The following HDDC2 variants were observed in gnomAD, a reference collection of about 807,000 sequenced individuals.
HDDC2 encodes 5'-deoxynucleotidase HDDC2.
Under a neutral mutation model 25.5 loss-of-function variants are expected in HDDC2, and 25 were observed. The observed-to-expected ratio is 0.98, with a 90% confidence interval of 0.72 to 1.37. The LOEUF (loss-of-function observed/expected upper bound fraction) is 1.37. HDDC2 is among the 40% of genes most tolerant of loss of function. The pLI is 0.00. For synonymous variants in HDDC2, 106 were observed against 89.7 expected (o/e 1.18, Z -1.03); for missense variants, 264 against 253.1 (o/e 1.04, Z -0.29).
In HDDC2 at chr6:125,285,949, T is replaced by A. The variant is rs555900961; in HGVS notation, c.378+6892A>T. 2.6e-5 allele frequency among the ~76,000 whole-genome samples: 4 copies of A among 152,308 alleles called. No individual in the cohort carries two copies. In the South Asian group the frequency reaches 8.3e-4, roughly 32 times the overall value. ...CCCTCAAAGTACAGTTGGGGCTTGA[T>A]GTAGAGCAATATAAGGATCCCGGGA... On this transcript the variant is annotated intron_variant, in intron 4 of 5. Transcript: ENST00000398153.
At chr6:125,285,223 T>A (rs1428043833) in intron 4 of HDDC2, among the ~76,000 whole-genome samples, 1 of 151,890 alleles carries the variant, frequency 6.6e-6, no homozygotes, top group Non-Finnish European at 1.5e-5. Context: ...AGATGACAGG[T>A]TGATGGGTGC....
At chr6:125,286,488 T>A (rs1200653846) in intron 4 of HDDC2, among the ~76,000 whole-genome samples, 1 of 152,242 alleles carries the variant, frequency 6.6e-6, no homozygotes. Context: ...AACTTTCTAA[T>A]GCTAGCATCT....
intron 4 of HDDC2, among the ~76,000 whole-genome samples, chr6:125,281,540 G>A (rs1054395803): frequency 1.3e-5 from 2 of 152,138 alleles, no homozygotes; most frequent in Admixed American, 1.3e-4. Flanking sequence ...GAAAAACACA[G>A]CATGAGAACT....
chr6:125,294,877 T>G (rs1381940515), intron 3 of HDDC2, among the ~76,000 whole-genome samples: 1 of 152,236 alleles, frequency 6.6e-6, no homozygotes, highest in African/African-American at 2.4e-5. Context: ...TTAATAGGCT[T>G]CTTTTTGTTC....
chr6:125,294,587 A>T (rs942258854), intron 3 of HDDC2, among the ~76,000 whole-genome samples: 1 of 152,234 alleles, frequency 6.6e-6, no homozygotes, highest in African/African-American at 2.4e-5. Flanking sequence ...CAAGTTTGCC[A>T]ATTACTTCCA....
chr6:125,287,681 G>T (rs3778453), intron 4 of HDDC2, among the ~76,000 whole-genome samples: 11,213 of 152,202 alleles, frequency 0.074, 1,094 homozygotes, highest in African/African-American at 0.22. Context: ...AAGCACAGGA[G>T]GGGTGTGGAG....
At chr6:125,287,088 T>A (rs1213809578) in intron 4 of HDDC2, among the ~76,000 whole-genome samples, 1 of 152,004 alleles carries the variant, frequency 6.6e-6, no homozygotes, top group Non-Finnish European at 1.5e-5. Context: ...ACCACAAGTG[T>A]GCAACTGGGA....
In HDDC2 at chr6:125,287,368, T is replaced by C. The variant is rs1310492709; in HGVS notation, c.378+5473A>G. Among the ~76,000 whole-genome samples the C allele has an allele frequency of 2.0e-5, 3 of 152,292 alleles. 1 individual carries two copies. The highest frequency in any genetic ancestry group is 3.9e-4 in the East Asian group (2 of 5,182). On this transcript the variant is annotated intron_variant, in intron 4 of 5. Transcript: ENST00000398153. ...CGATTGGGGCAAAGAGAAGGGCTTCTGGGGTGAATGAAAAAGTTCTAAATC... is the reference window on the plus strand; with the variant it reads ...CGATTGGGGCAAAGAGAAGGGCTTCCGGGGTGAATGAAAAAGTTCTAAATC...
At chr6:125,294,325 G>A (rs1444167352) in intron 3 of HDDC2, among the ~76,000 whole-genome samples, 2 of 152,110 alleles carry the variant, frequency 1.3e-5, no homozygotes, top group Non-Finnish European at 2.9e-5. Flanking sequence ...ACCACTTCCA[G>A]AGCAAACCAC....
At chr6:125,283,274 C>G (rs1312325692) in intron 4 of HDDC2, among the ~76,000 whole-genome samples, 1 of 152,210 alleles carries the variant, frequency 6.6e-6, no homozygotes, top group East Asian at 1.9e-4. Flanking sequence ...GATGCCCTCT[C>G]TCACCACTCC....
chr6:125,280,504 G>C lies in HDDC2; in HGVS notation c.379-3264C>G, dbSNP rs1381407732. Reference sequence around the variant, plus strand: ...GATCCACTGGCTTGAAATTCTGGCAGCCAGCACAGCAGTGTGAAGTCAACC... The same window carrying C: ...GATCCACTGGCTTGAAATTCTGGCACCCAGCACAGCAGTGTGAAGTCAACC... On this transcript the variant is annotated intron_variant, in intron 4 of 5. Transcript: ENST00000398153. Among the ~76,000 whole-genome samples, 3 of 152,226 alleles carry C rather than the reference G, an allele frequency of 2.0e-5. No individual in the cohort carries two copies. The South Asian group carries it at 6.2e-4, about 32-fold the overall frequency.
intron 3 of HDDC2, among the ~76,000 whole-genome samples, chr6:125,294,062 A>T (rs11753452): frequency 2.0e-5 from 3 of 152,104 alleles, no homozygotes; most frequent in Non-Finnish European, 4.4e-5. Context: ...TTTATTTCTG[A>T]ATTACTCCAG....
rs772348549 is a variant in HDDC2 at position 125,277,126 on chromosome 6, G to A, written c.493C>T (p.Gln165Ter). 6.2e-7 allele frequency: 1 copy of A among 1,614,030 alleles called. No individual in the cohort carries two copies. Among genetic ancestry groups the A allele is most frequent in the Non-Finnish European group, 8.5e-7 (1 of 1,179,966 alleles). Residue 165 changes from glutamine to a stop codon, truncating the protein, a stop_gained, in exon 5 of 6, where the codon CAA becomes TAA. Coordinates refer to ENST00000398153, the MANE Select transcript of HDDC2 (RefSeq NM_016063.3). LOFTEE classifies it high-confidence loss of function. ...EDLEHKPGRL[Q>*]DFYDSTAGKF... The stretch of plus-strand genomic sequence containing the variant: ...CCTGCTGTGGAATCATAGAAGTCTT[G>A]CAGTCTCCCAGGTTTGTGTTCAAGG...
At chr6:125,278,040 A>T (rs1425529407) in intron 4 of HDDC2, 2 of 152,198 alleles carry the variant, frequency 1.3e-5, no homozygotes, top group Non-Finnish European at 2.9e-5. Context: ...AGTGCTCCCA[A>T]CTGGTTTCCC....
chr6:125,298,297 T>A (rs1798736287), intron 3 of HDDC2, among the ~76,000 whole-genome samples: 1 of 152,194 alleles, frequency 6.6e-6, no homozygotes, highest in Non-Finnish European at 1.5e-5. Flanking sequence ...TATTTCTTTA[T>A]AAAAGCTACA....
chr6:125,285,370 G>A (rs115241454), intron 4 of HDDC2, among the ~76,000 whole-genome samples: 50 of 152,164 alleles, frequency 3.3e-4, no homozygotes, highest in African/African-American at 1.2e-3. Context: ...ACAGTGAAAT[G>A]TAAGATAAAA....
At chr6:125,287,582 T>G (rs1798558817) in intron 4 of HDDC2, among the ~76,000 whole-genome samples, 1 of 152,188 alleles carries the variant, frequency 6.6e-6, no homozygotes, top group Non-Finnish European at 1.5e-5. Flanking sequence ...TAGGTGTAAC[T>G]GTTCAGGAGG....
intron 1 of HDDC2, among the ~76,000 whole-genome samples, chr6:125,301,482 GCACACACA>G (rs3839545): frequency 1.7e-4 from 20 of 120,420 alleles, no homozygotes; most frequent in East Asian, 4.7e-4. Context: ...GGGGTCGTGA[GCACACACA>G]CACACACACA....
chr6:125,298,795 A>G lies in HDDC2; in HGVS notation c.228T>C (p.Val76=), dbSNP rs780860955. 6 of 1,614,034 alleles carry G rather than the reference A, an allele frequency of 3.7e-6. No homozygotes were observed. The South Asian group carries it at 6.6e-5, about 18-fold the overall frequency. The change falls in exon 3 of 6, where the codon GTT becomes GTC. Residue 76 remains valine, a synonymous_variant. Transcript: ENST00000398153. ...CAACGATGCATTCTGCCATATCATG[A>G]ACCAGGGCTAGGCGTACACATCTGA... ...NKDRCVRLAL[V]HDMAECIVGD...
Sources: allele counts gnomAD v4.1 joint callset (sites outside exome capture counted in the v4.1 genomes callset), GRCh38; gene constraint gnomAD v4.1.1; transcripts MANE v1.5; gene names NCBI Gene and HGNC (gene_info 2026-07-23, HGNC 2026-07-21).